The following SYT1 variants were observed in gnomAD, a reference collection of about 807,000 sequenced individuals.
SYT1 encodes the protein synaptotagmin 1.
SYT1 carries 8 observed loss-of-function variants against 44.8 expected under a neutral mutation model. The ratio of observed to expected loss-of-function variants is 0.18; its 90% confidence interval spans 0.10 to 0.32. The LOEUF is 0.32. Among genes scored for constraint, SYT1 ranks in the 10% least tolerant of loss-of-function variants. The pLI is 1.00. For synonymous variants in SYT1, 154 were observed against 188.8 expected, an observed-to-expected ratio of 0.82 and a Z score of 1.51; for missense variants, 286 against 509.3, an observed-to-expected ratio of 0.56 and a Z score of 4.22.
intron 9 of SYT1, among the ~76,000 whole-genome samples, chr12:79,374,773 G>A (rs142265817): frequency 6.6e-6 from 1 of 152,230 alleles, no homozygotes; most frequent in Non-Finnish European, 1.5e-5. Context: ...AAGTGCCACA[G>A]TGAGGAGCTG....
At chr12:79,162,734 C>T (rs1433584617) in intron 3 of SYT1, among the ~76,000 whole-genome samples, 3 of 151,998 alleles carry the variant, frequency 2.0e-5, no homozygotes, top group African/African-American at 7.2e-5. Context: ...CTTAACTCAT[C>T]CAATACTTAC....
chr12:79,353,388 T>C, intron 8 of SYT1, 114 bp from the exon 9 acceptor site: 1 of 816,382 alleles, frequency 1.2e-6, no homozygotes, highest in Non-Finnish European at 2.0e-6. Context: ...GGACCTACAA[T>C]TTTCAAATTC....
At chr12:78,933,058 A>G (rs1273330669) in intron 1 of SYT1, among the ~76,000 whole-genome samples, 1 of 152,224 alleles carries the variant, frequency 6.6e-6, no homozygotes, top group Non-Finnish European at 1.5e-5. Context: ...TTTTGAAGAA[A>G]GCCTCTAAGC....
chr12:78,986,195 T>A (rs1342095086), intron 2 of SYT1, among the ~76,000 whole-genome samples: 1 of 152,074 alleles, frequency 6.6e-6, no homozygotes, highest in Non-Finnish European at 1.5e-5. Flanking sequence ...AGATGATTTA[T>A]GTGCATAAAG....
At chr12:79,441,036 C>T (rs1870381128) in intron 9 of SYT1, among the ~76,000 whole-genome samples, 1 of 152,204 alleles carries the variant, frequency 6.6e-6, no homozygotes, top group Admixed American at 6.5e-5. Context: ...CAATCTAAGA[C>T]TTCAGATTGT....
intron 9 of SYT1, among the ~76,000 whole-genome samples, chr12:79,363,788 A>G (rs1013717080): frequency 2.0e-5 from 3 of 151,728 alleles, no homozygotes; most frequent in Non-Finnish European, 4.4e-5. Context: ...CCAAAAGTAT[A>G]TACTGTTTCT....
Position 79,289,695 on chromosome 12 carries a change from C to A in SYT1, c.352-2313C>A, listed in dbSNP as rs114797917. Among the ~76,000 whole-genome samples the A allele has an allele frequency of 7.3e-3, 1,109 of 152,140 alleles. 13 individuals carry two copies. Among genetic ancestry groups the A allele is most frequent in the African/African-American group, 0.025 (1,057 of 41,506 alleles). ...TTCATTATAATAATAGAGCAACATG[C>A]AGATTTATCAAACAGAAGTAGATGT... is the stretch of plus-strand genomic sequence containing the variant. On this transcript the variant is annotated intron_variant, in intron 5 of 10. Coordinates refer to ENST00000261205, the MANE Select transcript of SYT1 (RefSeq NM_005639.3).
intron 9 of SYT1, among the ~76,000 whole-genome samples, chr12:79,396,876 G>A (rs1049652195): frequency 6.6e-5 from 10 of 152,184 alleles, no homozygotes; most frequent in Admixed American, 5.9e-4. Context: ...AATTTTGGGT[G>A]CTGGTAAGTG....
At chr12:79,191,436 T>C (rs1013054992) in intron 3 of SYT1, among the ~76,000 whole-genome samples, 5 of 152,142 alleles carry the variant, frequency 3.3e-5, no homozygotes, top group South Asian at 2.1e-4. Context: ...CAGATCCAAG[T>C]ACATGAAGAG....
intron 3 of SYT1, among the ~76,000 whole-genome samples, chr12:79,137,916 G>C (rs1438006730): frequency 6.6e-6 from 1 of 152,114 alleles, no homozygotes; most frequent in Non-Finnish European, 1.5e-5. Flanking sequence ...TTGCTGTCAT[G>C]TTGTTAGCAA....
chr12:79,447,951 A>ACTC (rs2136210027), intron 10 of SYT1, among the ~76,000 whole-genome samples: 1 of 152,048 alleles, frequency 6.6e-6, no homozygotes, highest in East Asian at 1.9e-4. Flanking sequence ...GCTACTTTCA[A>ACTC]CTCTGGCAAT....
intron 1 of SYT1, among the ~76,000 whole-genome samples, chr12:78,903,686 T>C (rs1174161046): frequency 1.3e-5 from 2 of 152,184 alleles, no homozygotes; most frequent in African/African-American, 2.4e-5. Flanking sequence ...TTTTCTTTAT[T>C]GGTTAAAGAG....
intron 9 of SYT1, among the ~76,000 whole-genome samples, chr12:79,356,003 T>G (rs1469948990): frequency 6.6e-6 from 1 of 151,846 alleles, no homozygotes; most frequent in East Asian, 2.0e-4. Context: ...AAGCAGGAAG[T>G]AGGATAAGGA....
chr12:79,091,530 A>T (rs1274449406), intron 3 of SYT1, among the ~76,000 whole-genome samples: 2 of 152,000 alleles, frequency 1.3e-5, no homozygotes, highest in Admixed American at 1.3e-4. Flanking sequence ...AATCTGACAG[A>T]TTTTAAGTTG....
At position 79,313,333 on chromosome 12, in the gene SYT1, G is replaced by A. The variant is rs114921344; in HGVS notation, c.810+13782G>A. On this transcript the variant is annotated intron_variant, in intron 8 of 10. Coordinates refer to ENST00000261205, the MANE Select transcript of SYT1 (RefSeq NM_005639.3). ...TGCACCAATTTTATAAACTTATGCC[G>A]TGCAATACGTGTTATTTTTCTGAGG... 8.5e-3 allele frequency among the ~76,000 whole-genome samples: 1,293 copies of A among 152,154 alleles called. 13 individuals carry two copies. The highest frequency in any genetic ancestry group is 0.029 in the African/African-American group (1,219 of 41,498).
At chr12:79,189,023 A>G (rs879313521) in intron 3 of SYT1, among the ~76,000 whole-genome samples, 1 of 152,080 alleles carries the variant, frequency 6.6e-6, no homozygotes, top group Non-Finnish European at 1.5e-5. Context: ...TCTAACTTCT[A>G]TGATGGTTGC....
At chr12:79,121,575 T>C (rs778125565) in intron 3 of SYT1, among the ~76,000 whole-genome samples, 1 of 152,174 alleles carries the variant, frequency 6.6e-6, no homozygotes, top group Non-Finnish European at 1.5e-5. Flanking sequence ...CAGGACTTGC[T>C]AACCACAATC....
At chr12:78,915,125 T>G (rs1876573955) in intron 1 of SYT1, among the ~76,000 whole-genome samples, 1 of 151,994 alleles carries the variant, frequency 6.6e-6, no homozygotes, top group Non-Finnish European at 1.5e-5. Context: ...TTAGGAAGAT[T>G]GAAGTAGTGG....
intron 1 of SYT1, among the ~76,000 whole-genome samples, chr12:78,885,805 T>G (rs1874718658): frequency 1.3e-5 from 2 of 152,152 alleles, no homozygotes; most frequent in South Asian, 4.1e-4. Flanking sequence ...CATCCAACTT[T>G]GATATTTTTA....
Sources: gnomAD v4.1 joint callset for allele counts (sites outside exome capture counted in the v4.1 genomes callset) on GRCh38, gnomAD v4.1.1 for gene constraint, MANE v1.5 for transcripts, NCBI Gene and HGNC (gene_info 2026-07-23, HGNC 2026-07-21) for gene names.